ARHGAP24: variants seen among roughly 807,000 people sequenced by gnomAD.
The protein encoded by ARHGAP24 is rho GTPase-activating protein 24.
A neutral mutation model predicts 76.4 loss-of-function variants in ARHGAP24; 50 were observed. The observed-to-expected ratio is 0.65, with a 90% CI of 0.52 to 0.83. ARHGAP24 has a LOEUF of 0.83. ARHGAP24 is among the 40% of genes least tolerant of loss of function. The pLI is 0.00. For synonymous variants in ARHGAP24, 345 were observed against 323.3 expected, an observed-to-expected ratio of 1.07 and a Z score of -0.72; for missense variants, 930 against 914.2, an observed-to-expected ratio of 1.02 and a Z score of -0.22.
chr4:85,550,535 T>C (rs6531830), intron 1 of ARHGAP24, among the ~76,000 whole-genome samples: 139,222 of 152,212 alleles, frequency 0.91, 64,864 homozygotes, highest in East Asian at 1. Flanking sequence ...AAATCTCTTA[T>C]TTGGTTCAAC....
At position 85,554,822 on chromosome 4, in the gene ARHGAP24, T is replaced by C. The variant is rs553952436; in HGVS notation, c.-20-15700T>C. Among the ~76,000 whole-genome samples, 986 of 129,912 alleles carry C rather than the reference T, an allele frequency of 7.6e-3. 13 individuals carry two copies. The highest frequency in any genetic ancestry group is 0.026 in the African/African-American group (941 of 35,740). The allele number at this position is 129,912 out of a possible 152,430, so 85.2% of individuals were successfully genotyped here. A position where few individuals can be genotyped will look rare whatever the true frequency, so the allele number is the denominator to read the frequency against. On this transcript the variant is annotated intron_variant, in intron 1 of 9. Transcript: ENST00000395184. ...AGTAGCTGGGACTACAGGTGCCCGC[T>C]ATCACGCCCAGCTGATTTTTTTTTT...
chr4:85,677,952 A>C (rs1723045270), intron 2 of ARHGAP24, among the ~76,000 whole-genome samples: 1 of 152,178 alleles, frequency 6.6e-6, no homozygotes, highest in Non-Finnish European at 1.5e-5. Flanking sequence ...AGGCAAGAGC[A>C]TCACTTGAGT....
intron 2 of ARHGAP24, among the ~76,000 whole-genome samples, chr4:85,612,277 C>T (rs186207365): frequency 1.3e-4 from 19 of 145,594 alleles, no homozygotes; most frequent in Admixed American, 4.3e-4. Context: ...ATTAGCTGGG[C>T]GTGGTGGTGG....
At chr4:85,712,858 G>A (rs1181641718) in intron 2 of ARHGAP24, among the ~76,000 whole-genome samples, 1 of 152,112 alleles carries the variant, frequency 6.6e-6, no homozygotes, top group Admixed American at 6.6e-5. Flanking sequence ...TCTTTCCGTG[G>A]CCATTATTCA....
At chr4:85,954,495 G>T (rs141887228) in intron 5 of ARHGAP24, among the ~76,000 whole-genome samples, 2 of 152,284 alleles carry the variant, frequency 1.3e-5, no homozygotes, top group African/African-American at 2.4e-5. Flanking sequence ...ACAACAGCTG[G>T]CGTATAGTAT....
chr4:85,501,614 G>C (rs1723819555), intron 1 of ARHGAP24, among the ~76,000 whole-genome samples: 1 of 152,160 alleles, frequency 6.6e-6, no homozygotes, highest in Non-Finnish European at 1.5e-5. Context: ...GTAGAATTTG[G>C]ATATTAGCAC....
chr4:85,780,829 G>C (rs1185809273), intron 3 of ARHGAP24, among the ~76,000 whole-genome samples: 2 of 152,242 alleles, frequency 1.3e-5, no homozygotes, highest in Non-Finnish European at 2.9e-5. Flanking sequence ...TTCTGTAGTA[G>C]AGGTTGCCAT....
intron 1 of ARHGAP24, among the ~76,000 whole-genome samples, chr4:85,483,361 G>T (rs1258544680): frequency 6.6e-6 from 1 of 152,154 alleles, no homozygotes; most frequent in Admixed American, 6.5e-5. Context: ...TAGGCCAGGC[G>T]CTGTGGCTCA....
At chr4:85,666,087 C>A (rs368970155) in intron 2 of ARHGAP24, among the ~76,000 whole-genome samples, 3 of 152,278 alleles carry the variant, frequency 2.0e-5, no homozygotes, top group South Asian at 4.1e-4. Context: ...GGGAAGTTCT[C>A]CTGGATAATA....
At chr4:85,790,756 G>T (rs1728081866) in intron 3 of ARHGAP24, among the ~76,000 whole-genome samples, 1 of 152,170 alleles carries the variant, frequency 6.6e-6, no homozygotes, top group Non-Finnish European at 1.5e-5. Context: ...AGTATAAATG[G>T]TATTTTCAAA....
At chr4:85,525,118 C>G (rs951165832) in intron 1 of ARHGAP24, among the ~76,000 whole-genome samples, 6 of 152,036 alleles carry the variant, frequency 3.9e-5, no homozygotes, top group Admixed American at 3.9e-4. Context: ...TTGTATCCAC[C>G]ATCTTATTAA....
At chr4:85,805,621 G>A (rs1270947022) in intron 3 of ARHGAP24, among the ~76,000 whole-genome samples, 1 of 152,148 alleles carries the variant, frequency 6.6e-6, no homozygotes, top group East Asian at 1.9e-4. Context: ...TTCTTTATTA[G>A]TAGCATACTA....
At chr4:85,706,423 T>C (rs1285610686) in intron 2 of ARHGAP24, among the ~76,000 whole-genome samples, 1 of 152,176 alleles carries the variant, frequency 6.6e-6, no homozygotes, top group African/African-American at 2.4e-5. Context: ...AATTTTAATA[T>C]AGAGTCCACT....
At position 85,865,460 on chromosome 4, in the gene ARHGAP24, TAATA is replaced by T. The variant is rs1328933052; in HGVS notation, c.269-58182_269-58179del. On this transcript the variant is annotated intron_variant, in intron 3 of 9. Transcript: ENST00000395184. ...CCTATTTATTATTAATAATAAATAA[TAATA>T]AATAATTAGTAGTATAAACAAATAA... is the stretch of plus-strand genomic sequence containing the variant. Among the ~76,000 whole-genome samples the T allele has an allele frequency of 8.8e-5, 13 of 147,466 alleles. No homozygotes were observed. In the East Asian group the frequency reaches 2.1e-3, roughly 24 times the overall value.
chr4:85,917,411 C>A (rs1190681712), intron 3 of ARHGAP24, among the ~76,000 whole-genome samples: 1 of 151,726 alleles, frequency 6.6e-6, no homozygotes, highest in African/African-American at 2.4e-5. Context: ...GATTTATAGT[C>A]CTTTGGGTAT....
chr4:85,507,430 TG>T (rs1188960468), intron 1 of ARHGAP24, among the ~76,000 whole-genome samples: 1 of 152,208 alleles, frequency 6.6e-6, no homozygotes, highest in Non-Finnish European at 1.5e-5. Flanking sequence ...TGATTCTGTT[TG>T]TTTCATCTTA....
chr4:85,717,518 C>T lies in ARHGAP24; in HGVS notation c.181-4367C>T, dbSNP rs567532900. Among the ~76,000 whole-genome samples the T allele has an allele frequency of 6.6e-5, 10 of 152,246 alleles. No individual in the cohort carries two copies. The South Asian group carries it at 2.1e-3, about 32-fold the overall frequency. ...CTGCCTAGGCTTAGAATTTCTACAACACATTCTCAGCACATGTAACCAACA... is the reference window on the plus strand; with the variant it reads ...CTGCCTAGGCTTAGAATTTCTACAATACATTCTCAGCACATGTAACCAACA... On this transcript the variant is annotated intron_variant, in intron 2 of 9. Coordinates refer to ENST00000395184, the MANE Select transcript of ARHGAP24 (RefSeq NM_001025616.3).
At chr4:85,920,233 T>G (rs1028013803) in intron 3 of ARHGAP24, among the ~76,000 whole-genome samples, 27 of 152,328 alleles carry the variant, frequency 1.8e-4, no homozygotes, top group Admixed American at 5.9e-4. Flanking sequence ...ACATTTCTAC[T>G]TTTGCCTAAC....
At chr4:85,723,644 T>C (rs1162132258) in intron 3 of ARHGAP24, 3 of 152,222 alleles carry the variant, frequency 2.0e-5, no homozygotes, top group Non-Finnish European at 4.4e-5. Context: ...TCCTGAATTA[T>C]TAATACAGTA....
Sources: gnomAD v4.1 joint callset for allele counts (sites outside exome capture counted in the v4.1 genomes callset) on GRCh38, gnomAD v4.1.1 for gene constraint, MANE v1.5 for transcripts, NCBI Gene and HGNC (gene_info 2026-07-23, HGNC 2026-07-21) for gene names.